Variants in ARHGAP28 observed in about 807,000 individuals in gnomAD.
ARHGAP28 encodes rho GTPase-activating protein 28.
A neutral mutation model predicts 90.7 loss-of-function variants in ARHGAP28; 56 were observed. The observed-to-expected ratio is 0.62, with a 90% CI of 0.50 to 0.77. ARHGAP28 has a LOEUF of 0.77. Ranked by LOEUF, ARHGAP28 falls within the 30% of genes least tolerant of loss-of-function variation. ARHGAP28 has a pLI of 0.00. For synonymous variants in ARHGAP28, 308 were observed against 323.3 expected, an observed-to-expected ratio of 0.95 and a Z score of 0.51; for missense variants, 869 against 900.9, an observed-to-expected ratio of 0.96 and a Z score of 0.45.
chr18:6,870,332 C>G (rs888032314), intron 6 of ARHGAP28, among the ~76,000 whole-genome samples: 1 of 152,116 alleles, frequency 6.6e-6, no homozygotes, highest in Non-Finnish European at 1.5e-5. Context: ...ATGAGACATA[C>G]AAATCTAAAA....
At chr18:6,893,012 C>G (rs1174999283) in intron 14 of ARHGAP28, among the ~76,000 whole-genome samples, 2 of 152,190 alleles carry the variant, frequency 1.3e-5, no homozygotes, top group Non-Finnish European at 2.9e-5. Flanking sequence ...CTTTTTACAG[C>G]CTTTATTTTC....
At chr18:6,911,308 A>G (rs2057397779) in intron 17 of ARHGAP28, among the ~76,000 whole-genome samples, 1 of 152,176 alleles carries the variant, frequency 6.6e-6, no homozygotes, top group African/African-American at 2.4e-5. Flanking sequence ...CCTAAAATGA[A>G]CTTGACTTGA....
chr18:6,755,107 AG>A (rs2056098821), intron 1 of ARHGAP28, among the ~76,000 whole-genome samples: 1 of 152,194 alleles, frequency 6.6e-6, no homozygotes, highest in Non-Finnish European at 1.5e-5. Flanking sequence ...CAGGAGGCAG[AG>A]GCTGCAGTGA....
chr18:6,787,498 G>A (rs1347983674), intron 1 of ARHGAP28, among the ~76,000 whole-genome samples: 1 of 152,076 alleles, frequency 6.6e-6, no homozygotes, highest in Non-Finnish European at 1.5e-5. Flanking sequence ...TAGATTGGTG[G>A]TTTTCAACAA....
chr18:6,843,907 C>T (rs546347286), intron 3 of ARHGAP28, among the ~76,000 whole-genome samples: 181 of 152,262 alleles, frequency 1.2e-3, no homozygotes, highest in African/African-American at 4.1e-3. Context: ...AGACATTTAA[C>T]CTTTGTTTTA....
At chr18:6,771,058 A>G (rs963269742) in intron 1 of ARHGAP28, among the ~76,000 whole-genome samples, 1 of 151,930 alleles carries the variant, frequency 6.6e-6, no homozygotes, top group Non-Finnish European at 1.5e-5. Context: ...TATTTTTGAG[A>G]CAGGGTTTTG....
At chr18:6,887,356 A>C in intron 12 of ARHGAP28, 117 bp downstream of exon 12, 5 of 852,182 alleles carry the variant, frequency 5.9e-6, no homozygotes, top group Non-Finnish European at 9.6e-6. Context: ...GCATGCTGCA[A>C]ACACACGGCC....
At chr18:6,771,888 C>T (rs2056245899) in intron 1 of ARHGAP28, among the ~76,000 whole-genome samples, 1 of 152,276 alleles carries the variant, frequency 6.6e-6, no homozygotes, top group African/African-American at 2.4e-5. Flanking sequence ...GGGTGACTAG[C>T]TGGAAGAGAG....
chr18:6,886,510 C>T (rs1254869166), intron 11 of ARHGAP28, among the ~76,000 whole-genome samples: 10 of 152,084 alleles, frequency 6.6e-5, no homozygotes, highest in Admixed American at 6.5e-4. Flanking sequence ...CCTAAGTGTC[C>T]ATGGAAGATC....
At chr18:6,735,351 T>A (rs2055916161) in intron 1 of ARHGAP28, among the ~76,000 whole-genome samples, 1 of 152,204 alleles carries the variant, frequency 6.6e-6, no homozygotes, top group Non-Finnish European at 1.5e-5. Context: ...TTTCACCAGT[T>A]TTCCAATAAA....
intron 1 of ARHGAP28, among the ~76,000 whole-genome samples, chr18:6,795,029 A>C (rs752371791): frequency 4.6e-5 from 7 of 152,188 alleles, no homozygotes; most frequent in Non-Finnish European, 8.8e-5. Flanking sequence ...GAAAAGTTAC[A>C]CAGATTTAAA....
intron 1 of ARHGAP28, among the ~76,000 whole-genome samples, chr18:6,817,506 A>G (rs1224494378): frequency 6.6e-6 from 1 of 152,174 alleles, no homozygotes; most frequent in Admixed American, 6.5e-5. Context: ...CCTTCCCATT[A>G]TCAGTTAGGA....
intron 1 of ARHGAP28, among the ~76,000 whole-genome samples, chr18:6,805,981 TTCAAGCAG>T (rs1037600664): frequency 7.2e-5 from 11 of 151,950 alleles, no homozygotes; most frequent in African/African-American, 2.7e-4. Flanking sequence ...GCCTCCCGGG[TTCAAGCAG>T]TTCTCCTGCC....
intron 1 of ARHGAP28, among the ~76,000 whole-genome samples, chr18:6,781,900 T>G (rs1019585986): frequency 1.3e-5 from 2 of 152,240 alleles, no homozygotes; most frequent in Admixed American, 1.3e-4. Context: ...TTTGCTGTTT[T>G]TATTTTTCTT....
At chr18:6,763,241 C>T (rs142686893) in intron 1 of ARHGAP28, among the ~76,000 whole-genome samples, 2 of 152,052 alleles carry the variant, frequency 1.3e-5, no homozygotes, top group Non-Finnish European at 2.9e-5. Context: ...CACCACCGTG[C>T]CTGCCTAATT....
chr18:6,885,224 C>T (rs1025058625), intron 11 of ARHGAP28, among the ~76,000 whole-genome samples: 1 of 152,152 alleles, frequency 6.6e-6, no homozygotes, highest in Non-Finnish European at 1.5e-5. Context: ...GTGAAAAATA[C>T]TATATTGCAG....
chr18:6,843,520 G>A (rs2056843445), intron 3 of ARHGAP28, among the ~76,000 whole-genome samples: 1 of 152,112 alleles, frequency 6.6e-6, no homozygotes, highest in African/African-American at 2.4e-5. Flanking sequence ...ATTCCTGCCT[G>A]ATTTTTATCT....
intron 2 of ARHGAP28, among the ~76,000 whole-genome samples, chr18:6,827,262 G>A (rs566145281): frequency 1.3e-5 from 2 of 151,880 alleles, no homozygotes; most frequent in African/African-American, 2.4e-5. Context: ...CAGTAGGGGC[G>A]GCCGGGCTGA....
intron 11 of ARHGAP28, among the ~76,000 whole-genome samples, chr18:6,882,576 A>G (rs935183919): frequency 3.9e-5 from 6 of 152,222 alleles, no homozygotes; most frequent in Non-Finnish European, 7.3e-5. Context: ...TTAGCCATGC[A>G]ATCAAACCTT....
Sources: gnomAD v4.1 joint callset for allele counts (sites outside exome capture counted in the v4.1 genomes callset) on GRCh38, gnomAD v4.1.1 for gene constraint, MANE v1.5 for transcripts, NCBI Gene and HGNC (gene_info 2026-07-23, HGNC 2026-07-21) for gene names.